Variants in JARID2 observed in about 807,000 individuals in gnomAD.
JARID2 encodes protein Jumonji.
JARID2 carries 21 observed loss-of-function variants against 125.6 expected under a neutral mutation model. The ratio of observed to expected loss-of-function variants is 0.17; its 90% CI spans 0.12 to 0.24. JARID2 has a LOEUF of 0.24. JARID2 is among the 10% of genes least tolerant of loss of function. The pLI is 1.00. For synonymous variants in JARID2, 736 were observed against 661.6 expected (o/e 1.11, Z -1.73); for missense variants, 1,303 against 1,639.6 (o/e 0.79, Z 3.55).
chr6:15,402,552 G>C (rs976345990), intron 2 of JARID2, among the ~76,000 whole-genome samples: 1 of 152,012 alleles, frequency 6.6e-6, no homozygotes, highest in African/African-American at 2.4e-5. Context: ...ATCTGTCTTA[G>C]AAAAAATCTC....
At chr6:15,423,698 C>A (rs767770361) in intron 3 of JARID2, among the ~76,000 whole-genome samples, 1 of 152,140 alleles carries the variant, frequency 6.6e-6, no homozygotes. Context: ...TGAGCACGTA[C>A]GTTTTATCCT....
intron 1 of JARID2, among the ~76,000 whole-genome samples, chr6:15,349,254 CT>C (rs1329115362): frequency 6.6e-6 from 1 of 152,124 alleles, no homozygotes; most frequent in Non-Finnish European, 1.5e-5. Context: ...AAGATGGTGA[CT>C]TTTTGTTGGA....
chr6:15,481,416 T>C lies in JARID2; in HGVS notation c.671-5891T>C, dbSNP rs546689436. Among the ~76,000 whole-genome samples, 263 of 152,286 alleles carry C rather than the reference T, an allele frequency of 1.7e-3. 1 individual carries two copies. Among genetic ancestry groups the C allele is most frequent in the African/African-American group, 6.1e-3 (254 of 41,540 alleles). On this transcript the variant is annotated intron_variant, in intron 5 of 17. Transcript: ENST00000341776. ...CTATACATTGAACTTTCTGTCTTTC[T>C]CTCTCTTATGTTCACAGGGTTTAAT...
intron 1 of JARID2, among the ~76,000 whole-genome samples, chr6:15,295,227 T>G (rs1410176367): frequency 6.6e-6 from 1 of 150,540 alleles, no homozygotes; most frequent in African/African-American, 2.4e-5. Flanking sequence ...GTTCACGCCA[T>G]TCTCCTGCCT....
chr6:15,504,823 C>T (rs371136518), intron 9 of JARID2, among the ~76,000 whole-genome samples: 13 of 152,148 alleles, frequency 8.5e-5, no homozygotes, highest in South Asian at 4.1e-4. Flanking sequence ...GGGGAGCTGC[C>T]GAGTGCAGGG....
Position 15,324,198 on chromosome 6 carries a change from G to GAA in JARID2, c.46-49908_46-49907dup, listed in dbSNP as rs765988530. Among the ~76,000 whole-genome samples, 655 of 140,210 alleles carry GAA rather than the reference G, an allele frequency of 4.7e-3. 4 individuals are homozygous for GAA. Among genetic ancestry groups the GAA allele is most frequent in the African/African-American group, 0.016 (622 of 38,270 alleles). The allele number at this position is 140,210 out of a possible 152,430, so 92.0% of individuals were successfully genotyped here. A position where few individuals can be genotyped will look rare whatever the true frequency, so the allele number is the denominator to read the frequency against. ...TGTCTCAAAAGAAAAAAAAAAACTG[G>GAA]AAAAAAAAAAAAGAAAATCCTTTTT... On this transcript the variant is annotated intron_variant, in intron 1 of 17. Coordinates refer to ENST00000341776, the MANE Select transcript of JARID2 (RefSeq NM_004973.4).
chr6:15,383,608 A>G (rs1764673705), intron 2 of JARID2, among the ~76,000 whole-genome samples: 1 of 152,052 alleles, frequency 6.6e-6, no homozygotes, highest in East Asian at 1.9e-4. Flanking sequence ...TTATATTCAT[A>G]TTAATATCCC....
At chr6:15,283,161 T>G (rs9370810) in intron 1 of JARID2, among the ~76,000 whole-genome samples, 11,883 of 148,592 alleles carry the variant, frequency 0.08, 555 homozygotes, top group East Asian at 0.21. Flanking sequence ...TGTATTTTTA[T>G]TAGAGACGGG....
intron 9 of JARID2, among the ~76,000 whole-genome samples, chr6:15,506,248 A>G (rs1025154469): frequency 3.3e-5 from 5 of 152,174 alleles, no homozygotes; most frequent in Admixed American, 6.5e-5. Flanking sequence ...TTACAGGCGC[A>G]CCAGACGCTG....
Position 15,463,442 on chromosome 6 carries a change from T to C in JARID2, c.494-5100T>C, listed in dbSNP as rs1455159754. 2.8e-5 allele frequency among the ~76,000 whole-genome samples: 3 copies of C among 106,542 alleles called. No homozygotes were observed. The East Asian group carries it at 7.6e-4, about 27-fold the overall frequency. 69.9% of individuals were successfully genotyped at this position (106,542 alleles called of 152,430 possible). Reference sequence around the variant, plus strand: ...GCCCTTTCCTTTTTTTTTTTTTTTTTTTTCCGAGGTGGAGTTGCCCTCTTG... The same window carrying C: ...GCCCTTTCCTTTTTTTTTTTTTTTTCTTTCCGAGGTGGAGTTGCCCTCTTG... On this transcript the variant is annotated intron_variant, in intron 4 of 17. Transcript: ENST00000341776.
At chr6:15,277,065 T>G (rs1420170074) in intron 1 of JARID2, among the ~76,000 whole-genome samples, 4 of 152,186 alleles carry the variant, frequency 2.6e-5, no homozygotes, top group Non-Finnish European at 4.4e-5. Flanking sequence ...CTTTGTTGAT[T>G]TTTTTCCATG....
chr6:15,475,985 GCTGGTTGTTTTGTGA>G (rs1769323955), intron 5 of JARID2, among the ~76,000 whole-genome samples: 1 of 152,184 alleles, frequency 6.6e-6, no homozygotes, highest in East Asian at 1.9e-4. Context: ...GGGAGAGCAA[GCTGGTTGTTTTGTGA>G]CTTTTCCATT....
intron 3 of JARID2, among the ~76,000 whole-genome samples, chr6:15,439,775 C>G (rs769452511): frequency 6.6e-6 from 1 of 152,128 alleles, no homozygotes; most frequent in African/African-American, 2.4e-5. Flanking sequence ...GGGTAACAAG[C>G]CAGCTTCATT....
intron 1 of JARID2, among the ~76,000 whole-genome samples, chr6:15,280,689 T>C (rs1251173957): frequency 6.6e-6 from 1 of 151,158 alleles, no homozygotes; most frequent in African/African-American, 2.4e-5. Context: ...AGTGCAGCGA[T>C]GTGATCTAGG....
rs750487579 is a variant in JARID2, at chr6:15,286,050, G to A, written c.45+39466G>A. ...TTCAGTGCAGTGTTTCCTTTTTCTT[G>A]TTTGTTTGTTTCCTGAGTCTCACTC... On this transcript the variant is annotated intron_variant, in intron 1 of 17. Transcript: ENST00000341776. Among the ~76,000 whole-genome samples, 44 of 151,994 alleles carry A rather than the reference G, an allele frequency of 2.9e-4. No homozygotes were observed. The Middle Eastern group carries it at 0.014, about 47-fold the overall frequency.
At chr6:15,426,707 C>G (rs1329030771) in intron 3 of JARID2, among the ~76,000 whole-genome samples, 3 of 152,166 alleles carry the variant, frequency 2.0e-5, no homozygotes, top group Admixed American at 6.5e-5. Context: ...AAATGAAAAA[C>G]AAACCCCAAT....
At chr6:15,340,474 T>C (rs1431318446) in intron 1 of JARID2, among the ~76,000 whole-genome samples, 1 of 152,232 alleles carries the variant, frequency 6.6e-6, no homozygotes, top group Non-Finnish European at 1.5e-5. Context: ...TAATGAAAAG[T>C]AGTTGTGATT....
At chr6:15,437,963 A>G (rs959707393) in intron 3 of JARID2, among the ~76,000 whole-genome samples, 1 of 152,148 alleles carries the variant, frequency 6.6e-6, no homozygotes, top group African/African-American at 2.4e-5. Context: ...GAATAGATAG[A>G]AGATAGAATA....
rs527701661 is a variant in JARID2 at position 15,258,730 on chromosome 6, C to T, written c.45+12146C>T. Among the ~76,000 whole-genome samples, 4 of 152,192 alleles carry T rather than the reference C, an allele frequency of 2.6e-5. No homozygotes were observed. In the South Asian group the frequency reaches 8.3e-4, roughly 32 times the overall value. On this transcript the variant is annotated intron_variant, in intron 1 of 17. Coordinates refer to ENST00000341776, the MANE Select transcript of JARID2 (RefSeq NM_004973.4). The stretch of plus-strand genomic sequence containing the variant: ...CCAGGAGGCAGAGGTTGCAGTGAGC[C>T]GAGATTGCGCCACTGCACTCCAGCC...
Sources: allele counts gnomAD v4.1 joint callset (sites outside exome capture counted in the v4.1 genomes callset), GRCh38; gene constraint gnomAD v4.1.1; transcripts MANE v1.5; gene names NCBI Gene and HGNC (gene_info 2026-07-23, HGNC 2026-07-21).